Variants in PDK1 observed in about 807,000 individuals in gnomAD.
PDK1 encodes [Pyruvate dehydrogenase (acetyl-transferring)] kinase isozyme 1, mitochondrial.
A neutral mutation model predicts 54.2 loss-of-function variants in PDK1; 39 were observed. That is an observed-to-expected ratio of 0.72 (90% CI 0.56 to 0.94). PDK1 has a LOEUF of 0.94. PDK1 is among the 40% of genes least tolerant of loss of function. PDK1 has a pLI of 0.00. For synonymous variants in PDK1, 221 were observed against 207.1 expected (o/e 1.07, Z -0.58); for missense variants, 552 against 566.0 (o/e 0.98, Z 0.25).
At chr2:172,559,948 G>C (rs1434766751) in intron 2 of PDK1, among the ~76,000 whole-genome samples, 1 of 152,156 alleles carries the variant, frequency 6.6e-6, no homozygotes, top group Non-Finnish European at 1.5e-5. Context: ...CCTGGCTCAG[G>C]TGATCCTCCC....
chr2:172,566,555 AG>A (rs893114196), intron 5 of PDK1, among the ~76,000 whole-genome samples: 76 of 152,000 alleles, frequency 5.0e-4, no homozygotes, highest in African/African-American at 1.8e-3. Context: ...TCCGTCTCAA[AG>A]GAAAAAAAAA....
the PDK1 span, among the ~76,000 whole-genome samples, chr2:172,638,089 A>G: frequency 6.6e-6 from 1 of 152,186 alleles, no homozygotes; most frequent in Admixed American, 6.5e-5. Flanking sequence ...GTTGATTTTC[A>G]TAATTGCTAC....
the PDK1 span, among the ~76,000 whole-genome samples, chr2:172,720,881 C>CTGAAGCAGTGACTTT: frequency 6.6e-6 from 1 of 152,140 alleles, no homozygotes; most frequent in Non-Finnish European, 1.5e-5. Flanking sequence ...CAACTGCACT[C>CTGAAGCAGTGACTTT]CCCTCCTCCA....
the PDK1 span, among the ~76,000 whole-genome samples, chr2:172,633,418 G>A: frequency 8.6e-5 from 8 of 92,996 alleles, no homozygotes; most frequent in Non-Finnish European, 1.4e-4. Context: ...CCATTTTCTT[G>A]ACACTTCCAA....
the PDK1 span, among the ~76,000 whole-genome samples, chr2:172,687,370 C>G: frequency 6.6e-6 from 1 of 151,206 alleles, no homozygotes; most frequent in African/African-American, 2.4e-5. Flanking sequence ...CTGGATTATA[C>G]TCCTTTGTTG....
chr2:172,637,027 T>G, the PDK1 span, among the ~76,000 whole-genome samples: 1 of 152,244 alleles, frequency 6.6e-6, no homozygotes, highest in South Asian at 2.1e-4. Context: ...GCTCAGTTTA[T>G]AATACATAAG....
rs570714304 is a variant in PDK1, at chr2:172,560,116, A to T, written c.338+1267A>T. 7.7e-4 allele frequency among the ~76,000 whole-genome samples: 117 copies of T among 152,318 alleles called. No homozygotes were observed. In the Middle Eastern group the frequency reaches 0.014, roughly 18 times the overall value. On this transcript the variant is annotated intron_variant, in intron 2 of 10. Transcript: ENST00000282077. ...CACCTGGGCCTCTCAAAGTGCAGGG[A>T]TTATGGGCATGAGCCATTGTGTCTA...
chr2:172,663,596 G>A, the PDK1 span, among the ~76,000 whole-genome samples: 3 of 152,234 alleles, frequency 2.0e-5, no homozygotes, highest in Non-Finnish European at 2.9e-5. Flanking sequence ...CAGCCAGGTG[G>A]GAGGGGGTCC....
the PDK1 span, among the ~76,000 whole-genome samples, chr2:172,681,434 G>A: frequency 6.6e-6 from 1 of 152,212 alleles, no homozygotes; most frequent in Non-Finnish European, 1.5e-5. Context: ...TTGGCATGCA[G>A]CTGAGAGGCA....
At chr2:172,664,466 A>C in the PDK1 span, among the ~76,000 whole-genome samples, 1 of 151,164 alleles carries the variant, frequency 6.6e-6, no homozygotes, top group Non-Finnish European at 1.5e-5. Context: ...TTCTTTTTTG[A>C]AATCTAATAG....
chr2:172,636,316 C>T, the PDK1 span, among the ~76,000 whole-genome samples: 1 of 152,108 alleles, frequency 6.6e-6, no homozygotes, highest in African/African-American at 2.4e-5. Context: ...GCTTTCACTC[C>T]CGGAGGAAGA....
At position 172,566,890 on chromosome 2, in the gene PDK1, G is replaced by C; in HGVS notation, c.726G>C (p.Leu242Phe). Reference protein sequence around the residue: ...GYENARRLCDLYYINSPELEL... With the variant: ...GYENARRLCDFYYINSPELEL... ...AAAATGCTAGGCGTCTGTGTGATTT[G>C]TATTATATTAACTCTCCCGAACTAG... Residue 242 changes from leucine to phenylalanine, a missense_variant, in exon 6 of 11, where the codon TTG (leucine) becomes TTC (phenylalanine). Leu to Phe is a conservative substitution (Grantham distance 22, BLOSUM62 0). Coordinates refer to ENST00000282077, the MANE Select transcript of PDK1 (RefSeq NM_002610.5). 1 of 1,611,638 alleles carries C rather than the reference G, an allele frequency of 6.2e-7. No individual in the cohort carries two copies. Among genetic ancestry groups the C allele is most frequent in the East Asian group, 2.2e-5 (1 of 44,776 alleles).
the PDK1 span, among the ~76,000 whole-genome samples, chr2:172,664,311 CA>C: frequency 4.5e-4 from 20 of 44,178 alleles, no homozygotes; most frequent in Admixed American, 2.6e-3. Flanking sequence ...AACTCTGCCT[CA>C]AAAAAAAAAA....
chr2:172,585,065 T>C (rs1298451738), intron 8 of PDK1, among the ~76,000 whole-genome samples: 1 of 151,990 alleles, frequency 6.6e-6, no homozygotes, highest in East Asian at 1.9e-4. Flanking sequence ...GGTGCCATCA[T>C]ACCTCACTAT....
At chr2:172,678,409 G>A in the PDK1 span, among the ~76,000 whole-genome samples, 211 of 152,184 alleles carry the variant, frequency 1.4e-3, 1 homozygote, top group Middle Eastern at 6.8e-3. Context: ...AGTTGGAAGT[G>A]GCAGTCTCTA....
the PDK1 span, among the ~76,000 whole-genome samples, chr2:172,664,204 G>A: frequency 2.0e-5 from 3 of 150,592 alleles, no homozygotes; most frequent in Non-Finnish European, 2.9e-5. Flanking sequence ...CCAGCTACTC[G>A]GGAGGCTGAG....
At chr2:172,657,087 C>G in the PDK1 span, among the ~76,000 whole-genome samples, 1 of 152,188 alleles carries the variant, frequency 6.6e-6, no homozygotes, top group Non-Finnish European at 1.5e-5. Context: ...TTGTGATTCT[C>G]TACATCCTCC....
chr2:172,562,797 T>A, intron 3 of PDK1: 1 of 1,611,888 alleles, frequency 6.2e-7, no homozygotes. Flanking sequence ...GCCTGCAAGA[T>A]GATGTAAGTA....
the PDK1 span, among the ~76,000 whole-genome samples, chr2:172,695,688 T>C: frequency 6.6e-6 from 1 of 152,168 alleles, no homozygotes; most frequent in Non-Finnish European, 1.5e-5. Flanking sequence ...GAGACTCTCC[T>C]TGCTGGCTTG....
Sources: allele counts gnomAD v4.1 joint callset (sites outside exome capture counted in the v4.1 genomes callset), GRCh38; gene constraint gnomAD v4.1.1; transcripts MANE v1.5; gene names NCBI Gene and HGNC (gene_info 2026-07-23, HGNC 2026-07-21).